MBD5: variants seen among roughly 807,000 people sequenced by gnomAD.
MBD5 encodes the protein methyl-CpG binding domain protein 5.
In MBD5, 13 loss-of-function variants were observed where a neutral mutation model predicts 117.3. The ratio of observed to expected loss-of-function variants is 0.11; its 90% CI spans 0.07 to 0.18. The LOEUF (loss-of-function observed/expected upper bound fraction) is 0.18. Among genes scored for constraint, MBD5 ranks in the 10% least tolerant of loss-of-function variants. The probability of loss-of-function intolerance (pLI) is 1.00; values close to 1 mark genes in which losing one functional copy is unlikely to be tolerated. For synonymous variants in MBD5, 727 were observed against 766.4 expected, an observed-to-expected ratio of 0.95 and a Z score of 0.85; for missense variants, 1,879 against 2,093.8, an observed-to-expected ratio of 0.90 and a Z score of 2.00.
chr2:148,151,452 CT>C (rs1478589319), intron 1 of MBD5, among the ~76,000 whole-genome samples: 1 of 152,168 alleles, frequency 6.6e-6, no homozygotes, highest in African/African-American at 2.4e-5. Context: ...TGATGCTGGC[CT>C]CATAAAATGA....
At chr2:148,275,832 A>C (rs1701098863) in intron 3 of MBD5, among the ~76,000 whole-genome samples, 1 of 152,052 alleles carries the variant, frequency 6.6e-6, no homozygotes, top group Non-Finnish European at 1.5e-5. Flanking sequence ...ATTTGTCAAA[A>C]CAGTCTTCTA....
intron 1 of MBD5, among the ~76,000 whole-genome samples, chr2:148,063,091 C>T (rs1326179951): frequency 6.6e-6 from 1 of 152,082 alleles, no homozygotes; most frequent in East Asian, 1.9e-4. Flanking sequence ...ATAATGATAT[C>T]TCCTCTTGCG....
chr2:148,314,630 G>A (rs953226956), intron 3 of MBD5, among the ~76,000 whole-genome samples: 10 of 151,848 alleles, frequency 6.6e-5, no homozygotes, highest in African/African-American at 7.3e-5. Flanking sequence ...CACCCTCCTC[G>A]GCCTCCCAAA....
intron 3 of MBD5, among the ~76,000 whole-genome samples, chr2:148,258,405 T>A (rs1054001449): frequency 1.3e-5 from 2 of 152,118 alleles, no homozygotes; most frequent in Non-Finnish European, 2.9e-5. Context: ...CAGGTTCCCA[T>A]AAAGAAGGCT....
intron 3 of MBD5, among the ~76,000 whole-genome samples, chr2:148,316,421 A>G (rs1361505543): frequency 1.3e-5 from 2 of 152,222 alleles, no homozygotes; most frequent in African/African-American, 4.8e-5. Context: ...ATAAGATGAA[A>G]GTAAACATGT....
chr2:148,212,645 C>G (rs1480808536), intron 2 of MBD5, among the ~76,000 whole-genome samples: 5 of 152,046 alleles, frequency 3.3e-5, no homozygotes, highest in African/African-American at 1.2e-4. Context: ...TCTTACCTTT[C>G]AAAACTCTAA....
At chr2:148,459,493 A>G (rs565714650) in intron 5 of MBD5, among the ~76,000 whole-genome samples, 8 of 147,798 alleles carry the variant, frequency 5.4e-5, no homozygotes, top group African/African-American at 8.0e-5. Flanking sequence ...TAAACTGTTA[A>G]GAAGAAGTTT....
chr2:148,272,612 C>A (rs557916632), intron 3 of MBD5, among the ~76,000 whole-genome samples: 2 of 152,224 alleles, frequency 1.3e-5, no homozygotes, highest in South Asian at 2.1e-4. Context: ...AGGTCCTTTG[C>A]GCACTTTTTA....
rs186705683 is a variant in MBD5 at position 148,319,163 on chromosome 2, T to C, written c.-679-23051T>C. Among the ~76,000 whole-genome samples the C allele has an allele frequency of 4.6e-5, 7 of 152,338 alleles. No homozygotes were observed. The East Asian group carries it at 1.4e-3, about 29-fold the overall frequency. On this transcript the variant is annotated intron_variant, in intron 3 of 13. Transcript: ENST00000642680. ...TATTTTGGTTACTATAGCCTTGTAG[T>C]GTAAACCGGAGTCAGGTCATGTGAC...
chr2:148,044,895 C>A (rs1027450887), intron 1 of MBD5: 1 of 151,960 alleles, frequency 6.6e-6, no homozygotes, highest in Non-Finnish European at 1.5e-5. Flanking sequence ...TTGGTGATTT[C>A]CCTGCTGCCT....
intron 4 of MBD5, among the ~76,000 whole-genome samples, chr2:148,369,103 A>T (rs1279185308): frequency 6.6e-6 from 1 of 152,178 alleles, no homozygotes; most frequent in Non-Finnish European, 1.5e-5. Flanking sequence ...ATGAGGAAAC[A>T]TCAGACAAAT....
At chr2:148,512,055 T>C (rs908004857) in intron 13 of MBD5, among the ~76,000 whole-genome samples, 4 of 152,250 alleles carry the variant, frequency 2.6e-5, no homozygotes, top group African/African-American at 9.6e-5. Flanking sequence ...GTCGAAATGC[T>C]GATTAAGCAT....
At chr2:148,319,822 A>G (rs1172379393) in intron 3 of MBD5, among the ~76,000 whole-genome samples, 1 of 152,136 alleles carries the variant, frequency 6.6e-6, no homozygotes, top group Non-Finnish European at 1.5e-5. Flanking sequence ...GGGCATCCTT[A>G]TCTTGTTTCA....
chr2:148,214,182 T>C (rs1204266507), intron 2 of MBD5, among the ~76,000 whole-genome samples: 1 of 152,194 alleles, frequency 6.6e-6, no homozygotes, highest in Non-Finnish European at 1.5e-5. Flanking sequence ...GCCAACAAAT[T>C]TTTTCTGCAA....
chr2:148,153,789 A>T (rs1336037617), intron 1 of MBD5, among the ~76,000 whole-genome samples: 2 of 137,702 alleles, frequency 1.5e-5, no homozygotes, highest in African/African-American at 5.4e-5. Flanking sequence ...TTTCAGCTCC[A>T]TCAGCTCCTT....
At chr2:148,316,024 A>G (rs914688149) in intron 3 of MBD5, among the ~76,000 whole-genome samples, 2 of 152,216 alleles carry the variant, frequency 1.3e-5, no homozygotes, top group African/African-American at 4.8e-5. Flanking sequence ...AAGGGGAAGC[A>G]GGCATGTGTT....
intron 2 of MBD5, among the ~76,000 whole-genome samples, chr2:148,186,012 T>A (rs1698648050): frequency 6.6e-6 from 1 of 152,260 alleles, no homozygotes; most frequent in African/African-American, 2.4e-5. Context: ...TTTCTTTACC[T>A]CTATAACACA....
chr2:148,433,910 GTTGT>G (rs1194725277), intron 4 of MBD5, among the ~76,000 whole-genome samples: 1 of 149,462 alleles, frequency 6.7e-6, no homozygotes, highest in South Asian at 2.1e-4. Context: ...TGTTGTTGTT[GTTGT>G]TTGTTTGTTT....
intron 13 of MBD5, 123 bp downstream of exon 13, chr2:148,510,258 GA>G (rs966009029): frequency 1.5e-5 from 10 of 673,072 alleles, no homozygotes; most frequent in South Asian, 1.8e-5. Context: ...TACTAGCCTA[GA>G]AAAAAAAGAC....
Sources: allele counts gnomAD v4.1 joint callset (sites outside exome capture counted in the v4.1 genomes callset), GRCh38; gene constraint gnomAD v4.1.1; transcripts MANE v1.5; gene names NCBI Gene and HGNC (gene_info 2026-07-23, HGNC 2026-07-21).